Variants in GLIS3 observed in about 807,000 individuals in gnomAD.
GLIS3 encodes the protein zinc finger protein GLIS3.
GLIS3 carries 53 observed loss-of-function variants against 78.6 expected under a neutral mutation model. The ratio of observed to expected loss-of-function variants is 0.67; its 90% CI spans 0.54 to 0.85. The LOEUF is 0.85. Ranked by LOEUF, GLIS3 falls within the 40% of genes least tolerant of loss-of-function variation. The pLI is 0.00. For missense variants in GLIS3, 1,703 were observed against 1,231.1 expected (o/e 1.38, Z -5.74); for synonymous variants, 684 against 509.9 (o/e 1.34, Z -4.60).
chr9:4,262,736 C>G (rs59698425), intron 2 of GLIS3, among the ~76,000 whole-genome samples: 2,744 of 152,158 alleles, frequency 0.018, 79 homozygotes, highest in African/African-American at 0.063. Context: ...AGATGGGATT[C>G]TGCCACCCCA....
At chr9:4,377,720 T>A in the GLIS3 span, among the ~76,000 whole-genome samples, 1 of 152,152 alleles carries the variant, frequency 6.6e-6, no homozygotes, top group African/African-American at 2.4e-5. Context: ...TGTTATATAG[T>A]ATAAGATGCT....
intron 3 of GLIS3, among the ~76,000 whole-genome samples, chr9:4,120,198 ACT>A (rs933349545): frequency 2.0e-5 from 3 of 152,210 alleles, no homozygotes; most frequent in South Asian, 2.1e-4. Context: ...TGTTCATCTT[ACT>A]CTGTTTCACA....
intron 4 of GLIS3, among the ~76,000 whole-genome samples, chr9:4,100,388 G>A (rs1830276324): frequency 6.6e-6 from 1 of 152,148 alleles, no homozygotes; most frequent in Non-Finnish European, 1.5e-5. Flanking sequence ...TGTTTTAAAT[G>A]GGGGAGTACA....
At chr9:4,396,219 T>C in the GLIS3 span, among the ~76,000 whole-genome samples, 1 of 152,070 alleles carries the variant, frequency 6.6e-6, no homozygotes, top group South Asian at 2.1e-4. Flanking sequence ...TTTAAGCGAT[T>C]CTTCTGCCTC....
chr9:3,837,541 G>A (rs1027835923), intron 9 of GLIS3, among the ~76,000 whole-genome samples: 3 of 152,108 alleles, frequency 2.0e-5, no homozygotes, highest in African/African-American at 4.8e-5. Flanking sequence ...GTAGGCAAAC[G>A]AATAAATAAA....
At chr9:4,467,846 AAAG>A in the GLIS3 span, among the ~76,000 whole-genome samples, 77 of 152,338 alleles carry the variant, frequency 5.1e-4, 2 homozygotes, top group East Asian at 0.014. Flanking sequence ...TCTCCGAGCT[AAAG>A]GAGGATGATC....
At chr9:3,862,764 C>T (rs1179961210) in intron 8 of GLIS3, among the ~76,000 whole-genome samples, 4 of 152,106 alleles carry the variant, frequency 2.6e-5, no homozygotes, top group East Asian at 1.9e-4. Context: ...CTCCGCCCCC[C>T]GTCTCTTCCA....
chr9:3,873,128 T>C (rs1297021919), intron 8 of GLIS3, among the ~76,000 whole-genome samples: 4 of 152,112 alleles, frequency 2.6e-5, no homozygotes, highest in Admixed American at 2.0e-4. Context: ...CAGGACCAGA[T>C]AGATTCACAG....
At chr9:4,323,595 C>T (rs1181753721) in intron 2 of GLIS3, among the ~76,000 whole-genome samples, 1 of 152,210 alleles carries the variant, frequency 6.6e-6, no homozygotes, top group Non-Finnish European at 1.5e-5. Context: ...ATCATTTCCT[C>T]AGGAGATATT....
intron 6 of GLIS3, among the ~76,000 whole-genome samples, chr9:3,923,659 A>T (rs920586195): frequency 6.6e-6 from 1 of 152,190 alleles, no homozygotes; most frequent in South Asian, 2.1e-4. Flanking sequence ...CAAAAAGACT[A>T]TCATAAAAGT....
chr9:4,392,140 C>T, the GLIS3 span, among the ~76,000 whole-genome samples: 1 of 151,920 alleles, frequency 6.6e-6, no homozygotes, highest in Non-Finnish European at 1.5e-5. Context: ...AGCAAACTAA[C>T]ACAGGAACAG....
At chr9:4,286,670 C>A in intron 1 of GLIS3, 147 bp from the exon 2 acceptor site, 1 of 567,476 alleles carries the variant, frequency 1.8e-6, no homozygotes, top group South Asian at 2.0e-5. Context: ...TCCTCAAATA[C>A]ACGGCTCATT....
At chr9:4,303,853 G>C (rs938822518), upstream of GLIS3, among the ~76,000 whole-genome samples, 4 of 152,300 alleles carry the variant, frequency 2.6e-5, no homozygotes, top group East Asian at 3.9e-4. Context: ...TAAATTCATA[G>C]ATAAATACAA....
chr9:4,381,132 A>G, the GLIS3 span, among the ~76,000 whole-genome samples: 1 of 152,178 alleles, frequency 6.6e-6, no homozygotes, highest in Non-Finnish European at 1.5e-5. Context: ...AAGTGAGAAA[A>G]CAGTAAAAAT....
intron 2 of GLIS3, among the ~76,000 whole-genome samples, chr9:4,128,176 T>C (rs1346571925): frequency 6.6e-6 from 1 of 152,226 alleles, no homozygotes; most frequent in Non-Finnish European, 1.5e-5. Flanking sequence ...CCCTAACTTA[T>C]CCACCTAGTG....
At chr9:4,380,767 A>G in the GLIS3 span, among the ~76,000 whole-genome samples, 2 of 152,238 alleles carry the variant, frequency 1.3e-5, no homozygotes, top group African/African-American at 4.8e-5. Context: ...AAACTGGTAG[A>G]AAGGAGAATG....
At chr9:4,443,196 T>G in the GLIS3 span, among the ~76,000 whole-genome samples, 2 of 152,186 alleles carry the variant, frequency 1.3e-5, no homozygotes, top group African/African-American at 4.8e-5. Context: ...CTGTTTCTAG[T>G]AACAAGCTAC....
At chr9:4,060,593 GAAGA>G (rs1224159999) in intron 4 of GLIS3, among the ~76,000 whole-genome samples, 1 of 152,134 alleles carries the variant, frequency 6.6e-6, no homozygotes, top group Non-Finnish European at 1.5e-5. Context: ...TATGAGAAGA[GAAGA>G]GAGACCTGAG....
intron 4 of GLIS3, among the ~76,000 whole-genome samples, chr9:4,044,596 C>T (rs1011683480): frequency 3.3e-5 from 5 of 152,112 alleles, no homozygotes; most frequent in Non-Finnish European, 5.9e-5. Flanking sequence ...CATGGAGTGA[C>T]TGTCTTTGGG....
Sources: gnomAD v4.1 joint callset for allele counts (sites outside exome capture counted in the v4.1 genomes callset) on GRCh38, gnomAD v4.1.1 for gene constraint, MANE v1.5 for transcripts, NCBI Gene and HGNC (gene_info 2026-07-23, HGNC 2026-07-21) for gene names.